Variants in RGS6 observed in about 807,000 individuals in gnomAD.
RGS6 encodes regulator of G protein signaling 6.
A neutral mutation model predicts 78.5 loss-of-function variants in RGS6; 30 were observed. The observed-to-expected ratio is 0.38, with a 90% CI of 0.29 to 0.52. The LOEUF is 0.52. Among genes scored for constraint, RGS6 ranks in the 20% least tolerant of loss-of-function variants. RGS6 has a pLI of 0.85. For missense variants in RGS6, 495 were observed against 609.7 expected (o/e 0.81, Z 1.98); for synonymous variants, 206 against 206.0 (o/e 1.00, Z 0.00).
At chr14:72,427,331 A>G (rs924190910) in intron 3 of RGS6, among the ~76,000 whole-genome samples, 7 of 152,222 alleles carry the variant, frequency 4.6e-5, no homozygotes, top group South Asian at 2.1e-4. Context: ...GTATGTATGT[A>G]TAGAAAAAAC....
At chr14:72,541,655 T>C (rs2097329224) in intron 17 of RGS6, 2 of 1,531,134 alleles carry the variant, frequency 1.3e-6, no homozygotes, top group Non-Finnish European at 1.7e-6. Flanking sequence ...TTTGTCTCTT[T>C]TGAGGACTGG....
chr14:72,409,468 T>G (rs2093221599), intron 3 of RGS6, among the ~76,000 whole-genome samples: 1 of 152,186 alleles, frequency 6.6e-6, no homozygotes, highest in African/African-American at 2.4e-5. Flanking sequence ...GAACTTAAAG[T>G]GCTGGGAATG....
intron 2 of RGS6, among the ~76,000 whole-genome samples, chr14:72,345,054 A>C (rs1259279135): frequency 3.3e-5 from 5 of 152,186 alleles, no homozygotes; most frequent in African/African-American, 1.2e-4. Flanking sequence ...CAGTGTAGTC[A>C]TGTGACCCTG....
the RGS6 span, among the ~76,000 whole-genome samples, chr14:72,612,834 A>G: frequency 6.6e-6 from 1 of 152,240 alleles, no homozygotes; most frequent in Non-Finnish European, 1.5e-5. Flanking sequence ...TTCCAAGCAC[A>G]AGGCTCCCTT....
chr14:72,145,960 G>GT (rs1350133150), intron 2 of RGS6, among the ~76,000 whole-genome samples: 1 of 152,186 alleles, frequency 6.6e-6, no homozygotes, highest in African/African-American at 2.4e-5. Context: ...GTCTTAGTCT[G>GT]TTCTCTGTTA....
intron 14 of RGS6, among the ~76,000 whole-genome samples, chr14:72,514,403 G>A (rs920978168): frequency 6.6e-6 from 1 of 152,158 alleles, no homozygotes; most frequent in African/African-American, 2.4e-5. Context: ...AATGATCAAG[G>A]GCCAAATGGT....
intron 2 of RGS6, among the ~76,000 whole-genome samples, chr14:72,323,799 T>C (rs1282791827): frequency 1.1e-4 from 1 of 8,846 alleles, no homozygotes; most frequent in Admixed American, 2.1e-3. Context: ...AGACTCCATC[T>C]CAAAAAAAAA....
chr14:72,334,084 G>A (rs1043177599), intron 2 of RGS6, among the ~76,000 whole-genome samples: 2 of 152,194 alleles, frequency 1.3e-5, no homozygotes, highest in African/African-American at 4.8e-5. Context: ...ACACCCCCGA[G>A]TCTTCAATGC....
chr14:72,520,373 T>A (rs1483429917), intron 15 of RGS6, among the ~76,000 whole-genome samples: 1 of 152,236 alleles, frequency 6.6e-6, no homozygotes, highest in African/African-American at 2.4e-5. Context: ...AGATATTTAA[T>A]CAGATTTAGG....
At chr14:72,413,427 C>A (rs1405400721) in intron 3 of RGS6, among the ~76,000 whole-genome samples, 1 of 152,098 alleles carries the variant, frequency 6.6e-6, no homozygotes, top group South Asian at 2.1e-4. Context: ...CTTGGTAGAT[C>A]TTCCTCCATC....
At chr14:71,918,245 T>G in the RGS6 span, among the ~76,000 whole-genome samples, 1 of 139,190 alleles carries the variant, frequency 7.2e-6, no homozygotes, top group African/African-American at 2.6e-5. Flanking sequence ...TAAGGCCAAC[T>G]TGGAGGAACT....
chr14:71,982,303 G>C (rs529992295), intron 2 of RGS6, among the ~76,000 whole-genome samples: 58 of 152,278 alleles, frequency 3.8e-4, no homozygotes, highest in African/African-American at 1.3e-3. Context: ...GGCCATCTTG[G>C]CTCCTCCCTC....
rs139299406 is a variant in RGS6 at position 71,966,464 on chromosome 14, T to C, written c.84+1589T>C. On this transcript the variant is annotated intron_variant, in intron 2 of 17. Coordinates refer to ENST00000553525, the MANE Select transcript of RGS6 (RefSeq NM_001204424.2). ...AGTGAAACATACAGAATAATAGACA[T>C]TGAGTCATTGTTACTTTCTTAACCC... Among the ~76,000 whole-genome samples, 24 of 152,340 alleles carry C rather than the reference T, an allele frequency of 1.6e-4. 2 individuals carry two copies. The East Asian group carries it at 4.4e-3, about 28-fold the overall frequency.
At chr14:72,247,340 G>T (rs894060152) in intron 2 of RGS6, among the ~76,000 whole-genome samples, 2 of 152,158 alleles carry the variant, frequency 1.3e-5, no homozygotes, top group Admixed American at 6.5e-5. Context: ...TGTATACTCT[G>T]TAGAAACCAG....
At chr14:72,502,258 A>G (rs966859512) in intron 13 of RGS6, among the ~76,000 whole-genome samples, 2 of 152,196 alleles carry the variant, frequency 1.3e-5, no homozygotes, top group African/African-American at 4.8e-5. Context: ...GCTCCTGGTC[A>G]GCAACTAGCA....
chr14:72,560,422 GC>G, intron 17 of RGS6, among the ~76,000 whole-genome samples: 1 of 152,276 alleles, frequency 6.6e-6, no homozygotes, highest in South Asian at 2.1e-4. Flanking sequence ...CAGCAAGGAT[GC>G]CCCACACCCC....
At chr14:72,400,815 C>T (rs942261662) in intron 3 of RGS6, among the ~76,000 whole-genome samples, 1 of 152,226 alleles carries the variant, frequency 6.6e-6, no homozygotes, top group African/African-American at 2.4e-5. Flanking sequence ...CTGATCCTCC[C>T]TAGCAGCCCT....
the RGS6 span, among the ~76,000 whole-genome samples, chr14:72,625,932 A>G: frequency 6.6e-6 from 1 of 152,192 alleles, no homozygotes; most frequent in Non-Finnish European, 1.5e-5. Flanking sequence ...AGAATTACTA[A>G]TTCATATACC....
At chr14:72,413,145 T>C (rs1221383838) in intron 3 of RGS6, among the ~76,000 whole-genome samples, 1 of 152,182 alleles carries the variant, frequency 6.6e-6, no homozygotes, top group Non-Finnish European at 1.5e-5. Context: ...GTCTCGTTGA[T>C]CTGTCTAATG....
Sources: allele counts gnomAD v4.1 joint callset (sites outside exome capture counted in the v4.1 genomes callset), GRCh38; gene constraint gnomAD v4.1.1; transcripts MANE v1.5; gene names NCBI Gene and HGNC (gene_info 2026-07-23, HGNC 2026-07-21).